The following CCDC18 variants were observed in gnomAD, a reference collection of about 807,000 sequenced individuals.
CCDC18 encodes coiled-coil domain-containing protein 18.
In CCDC18, 157 loss-of-function variants were observed where a neutral mutation model predicts 196.0. That is an observed-to-expected ratio of 0.80 (90% CI 0.70 to 0.91). The LOEUF is 0.91. Among genes scored for constraint, CCDC18 ranks in the 40% least tolerant of loss-of-function variants. The pLI is 0.00. For synonymous variants in CCDC18, 482 were observed against 529.2 expected (o/e 0.91, Z 1.22); for missense variants, 1,465 against 1,611.6 (o/e 0.91, Z 1.56).
upstream of CCDC18, chr1:93,180,101 A>G (rs1448610078): frequency 1.2e-6 from 2 of 1,613,378 alleles, no homozygotes; most frequent in East Asian, 2.2e-5. Flanking sequence ...GGCTGGTAGA[A>G]GCACTCCTTC....
intron 16 of CCDC18, among the ~76,000 whole-genome samples, chr1:93,225,305 A>C (rs887728726): frequency 6.6e-6 from 1 of 152,232 alleles, no homozygotes; most frequent in African/African-American, 2.4e-5. Context: ...GAAAAGTACC[A>C]AATTTGAGTT....
intron 7 of CCDC18, among the ~76,000 whole-genome samples, chr1:93,204,273 G>GA (rs931136452): frequency 3.9e-5 from 6 of 152,018 alleles, no homozygotes; most frequent in East Asian, 1.9e-4. Context: ...TTCTTTATGG[G>GA]AAAAAAGTGG....
At chr1:93,217,128 G>C (rs2102112049) in intron 13 of CCDC18, among the ~76,000 whole-genome samples, 1 of 128,728 alleles carries the variant, frequency 7.8e-6, no homozygotes, top group Non-Finnish European at 1.5e-5. Context: ...AGTAGAGACA[G>C]GTTTCACCGT....
intron 1 of CCDC18, among the ~76,000 whole-genome samples, chr1:93,182,361 A>C (rs1649868231): frequency 6.6e-6 from 1 of 152,220 alleles, no homozygotes; most frequent in African/African-American, 2.4e-5. Context: ...CATTCAAAAT[A>C]TTGAGCTTCT....
chr1:93,234,154 ACTTTTTTTT>A (rs1219059444), intron 18 of CCDC18, among the ~76,000 whole-genome samples: 2 of 145,806 alleles, frequency 1.4e-5, no homozygotes, highest in East Asian at 2.0e-4. Flanking sequence ...TAACAAGTTC[ACTTTTTTTT>A]CTTTTTTTTC....
chr1:93,191,732 A>C (rs1409161634), intron 4 of CCDC18, among the ~76,000 whole-genome samples: 2 of 152,218 alleles, frequency 1.3e-5, no homozygotes, highest in African/African-American at 4.8e-5. Context: ...ATCTTGCTAG[A>C]TGCTTATCAA....
intron 12 of CCDC18, among the ~76,000 whole-genome samples, chr1:93,216,330 G>T (rs1656471914): frequency 6.6e-6 from 1 of 152,134 alleles, no homozygotes; most frequent in Non-Finnish European, 1.5e-5. Flanking sequence ...ATAGATTAGG[G>T]TATTGTCCTT....
intron 4 of CCDC18, among the ~76,000 whole-genome samples, chr1:93,188,382 G>T (rs1023061940): frequency 2.6e-5 from 4 of 152,268 alleles, no homozygotes; most frequent in Admixed American, 6.5e-5. Context: ...CTTTGGTGTT[G>T]TTCTAGGTTG....
chr1:93,217,647 C>T (rs1656727268), intron 13 of CCDC18, 91 bp from the exon 14 acceptor site: 1 of 1,069,032 alleles, frequency 9.4e-7, no homozygotes, highest in Admixed American at 2.6e-5. Flanking sequence ...CCGTGTTTCC[C>T]AGGCTAGTCT....
intron 3 of CCDC18, 115 bp downstream of exon 3, chr1:93,184,261 A>C (rs1008615566): frequency 2.8e-6 from 1 of 354,576 alleles, no homozygotes. Flanking sequence ...TTTTCTTTAA[A>C]TACCTTATTC....
At chr1:93,189,441 G>C (rs116248354) in intron 4 of CCDC18, among the ~76,000 whole-genome samples, 14,827 of 152,210 alleles carry the variant, frequency 0.097, 971 homozygotes, top group East Asian at 0.28. Flanking sequence ...TGGAAGTGCA[G>C]ATACCTTTTC....
intron 12 of CCDC18, among the ~76,000 whole-genome samples, chr1:93,216,287 G>A (rs573900899): frequency 2.0e-5 from 3 of 152,174 alleles, no homozygotes; most frequent in South Asian, 2.1e-4. Flanking sequence ...ACATTTTATT[G>A]TACTTATTTC....
chr1:93,254,587 A>C lies in CCDC18; in HGVS notation c.3315A>C (p.Thr1105=), dbSNP rs767561513. 7 of 1,610,972 alleles carry C rather than the reference A, an allele frequency of 4.3e-6. No homozygotes were observed. Among genetic ancestry groups the C allele is most frequent in the East Asian group, 2.2e-5 (1 of 44,726 alleles). Reference sequence around the variant, plus strand: ...AACTGAAAAAAGAAATTGAAAGAACACAACAAAGGATGAAAGAAATGGAGA... The same window carrying C: ...AACTGAAAAAAGAAATTGAAAGAACCCAACAAAGGATGAAAGAAATGGAGA... The part of the protein sequence containing the change: ...ISQLKKEIER[T]QQRMKEMESV... The change falls in exon 24 of 29, where the codon ACA becomes ACC. Residue 1105 remains threonine, a synonymous_variant. Coordinates refer to ENST00000690025, the MANE Select transcript of CCDC18 (RefSeq NM_001378204.1).
At chr1:93,263,220 G>C (rs1664055595) in intron 26 of CCDC18, among the ~76,000 whole-genome samples, 1 of 152,088 alleles carries the variant, frequency 6.6e-6, no homozygotes, top group East Asian at 1.9e-4. Context: ...CCATTGTCTT[G>C]GCAATATTTA....
chr1:93,212,647 A>G (rs1486740802), intron 11 of CCDC18, among the ~76,000 whole-genome samples: 1 of 152,194 alleles, frequency 6.6e-6, no homozygotes, highest in Non-Finnish European at 1.5e-5. Context: ...GTCTGATAAG[A>G]CAGCAAAAGT....
intron 6 of CCDC18, 69 bp from the exon 7 acceptor site, chr1:93,201,823 C>A: frequency 1.0e-6 from 1 of 953,952 alleles, no homozygotes. Context: ...TTAAAGATTA[C>A]TTTGGAACTT....
At position 93,192,120 on chromosome 1, in the gene CCDC18, T is replaced by A. The variant is rs765556619; in HGVS notation, c.569+14T>A. The stretch of plus-strand genomic sequence containing the variant: ...TAAAGTTTTGAGGTAAATATACTTT[T>A]TATAGCTCTCAAAGTTTTATTTTCT... On this transcript the variant is annotated intron_variant, in intron 5 of 28. Transcript: ENST00000690025. 1.3e-6 allele frequency: 2 copies of A among 1,497,240 alleles called. 1 individual carries two copies. Among genetic ancestry groups the A allele is most frequent in the Non-Finnish European group, 1.9e-6 (2 of 1,077,216 alleles). 92.7% of individuals were successfully genotyped at this position (1,497,240 alleles called of 1,614,324 possible).
intron 6 of CCDC18, among the ~76,000 whole-genome samples, chr1:93,201,647 A>G (rs1653850768): frequency 6.7e-6 from 1 of 149,892 alleles, no homozygotes; most frequent in Non-Finnish European, 1.5e-5. Context: ...ATAAGAATTT[A>G]TATATATTTC....
intron 9 of CCDC18, among the ~76,000 whole-genome samples, chr1:93,209,283 A>G (rs1038960652): frequency 1.2e-3 from 187 of 152,300 alleles, no homozygotes; most frequent in Non-Finnish European, 2.3e-3. Flanking sequence ...ATAATGGTCT[A>G]CCACCTTTTC....
Sources: gnomAD v4.1 joint callset for allele counts (sites outside exome capture counted in the v4.1 genomes callset) on GRCh38, gnomAD v4.1.1 for gene constraint, MANE v1.5 for transcripts, NCBI Gene and HGNC (gene_info 2026-07-23, HGNC 2026-07-21) for gene names.